The following CTNND2 variants were observed in gnomAD, a reference collection of about 807,000 sequenced individuals.
CTNND2 encodes catenin delta-2.
CTNND2 carries 22 observed loss-of-function variants against 144.4 expected under a neutral mutation model. That is an observed-to-expected ratio of 0.15 (90% CI 0.11 to 0.22). The LOEUF (loss-of-function observed/expected upper bound fraction) is 0.22, where lower values mean the gene tolerates loss of function less well. CTNND2 is among the 10% of genes least tolerant of loss of function. CTNND2 has a pLI of 1.00. For synonymous variants in CTNND2, 751 were observed against 695.6 expected (o/e 1.08, Z -1.25); for missense variants, 1,353 against 1,618.8 (o/e 0.84, Z 2.82).
intron 6 of CTNND2, among the ~76,000 whole-genome samples, chr5:11,392,025 T>G (rs538274434): frequency 6.6e-6 from 1 of 152,342 alleles, no homozygotes; most frequent in African/African-American, 2.4e-5. Context: ...CTGCTTTCTC[T>G]CTGCCCAATG....
intron 18 of CTNND2, among the ~76,000 whole-genome samples, chr5:10,993,165 C>A (rs1738903594): frequency 6.6e-6 from 1 of 152,156 alleles, no homozygotes; most frequent in South Asian, 2.1e-4. Context: ...TCCTTTCCAG[C>A]CCCAAATGCC....
intron 12 of CTNND2, among the ~76,000 whole-genome samples, chr5:11,136,083 T>A (rs1034529184): frequency 1.3e-5 from 2 of 152,178 alleles, no homozygotes; most frequent in African/African-American, 4.8e-5. Flanking sequence ...TCTTCCACCA[T>A]CTGAGGATGC....
chr5:11,604,750 G>A lies in CTNND2; in HGVS notation c.175-39694C>T, dbSNP rs528012296. On this transcript the variant is annotated intron_variant, in intron 2 of 21. Transcript: ENST00000304623. ...GTCCCAAGATCTCAAAAAATATTCT[G>A]TTAAAACATTTGCTTTGGTATTTTC... 3.9e-5 allele frequency among the ~76,000 whole-genome samples: 6 copies of A among 152,202 alleles called. No homozygotes were observed. In the South Asian group the frequency reaches 1.0e-3, roughly 26 times the overall value.
chr5:11,356,956 A>T (rs1311332995), intron 8 of CTNND2, among the ~76,000 whole-genome samples: 1 of 152,146 alleles, frequency 6.6e-6, no homozygotes, highest in African/African-American at 2.4e-5. Context: ...TCATCAGGGA[A>T]ATGTGAATCA....
intron 2 of CTNND2, among the ~76,000 whole-genome samples, chr5:11,689,244 C>A (rs1049955698): frequency 6.6e-6 from 1 of 152,108 alleles, no homozygotes; most frequent in African/African-American, 2.4e-5. Flanking sequence ...CTTCTGGGAT[C>A]TGGTTTCTTA....
chr5:11,632,662 T>C (rs1053830374), intron 2 of CTNND2, among the ~76,000 whole-genome samples: 1 of 152,058 alleles, frequency 6.6e-6, no homozygotes, highest in Non-Finnish European at 1.5e-5. Context: ...GCCTAGATGG[T>C]AGATTTAGGA....
At chr5:11,337,873 T>C (rs1753880981) in intron 9 of CTNND2, among the ~76,000 whole-genome samples, 1 of 152,216 alleles carries the variant, frequency 6.6e-6, no homozygotes, top group African/African-American at 2.4e-5. Context: ...TTGTAAAAAT[T>C]TCATGCTACT....
intron 16 of CTNND2, among the ~76,000 whole-genome samples, chr5:11,033,336 G>A (rs2149554510): frequency 6.6e-6 from 1 of 152,276 alleles, no homozygotes; most frequent in Non-Finnish European, 1.5e-5. Context: ...TTCTTCTGTT[G>A]TATGTGTATA....
intron 9 of CTNND2, among the ~76,000 whole-genome samples, chr5:11,297,113 C>T (rs539742407): frequency 8.6e-4 from 131 of 152,218 alleles, no homozygotes; most frequent in African/African-American, 3.0e-3. Flanking sequence ...AGAAAGTCAG[C>T]CCAGTATGTG....
chr5:11,258,077 T>C (rs1452880586), intron 9 of CTNND2, among the ~76,000 whole-genome samples: 3 of 152,176 alleles, frequency 2.0e-5, no homozygotes, highest in Non-Finnish European at 2.9e-5. Flanking sequence ...GAAAGTCAGA[T>C]CCTTTCAGCG....
chr5:11,062,717 CA>C (rs1326461145), intron 16 of CTNND2, among the ~76,000 whole-genome samples: 2 of 152,204 alleles, frequency 1.3e-5, no homozygotes, highest in South Asian at 2.1e-4. Flanking sequence ...AAAGGCTTGC[CA>C]GGGGGATACA....
chr5:11,648,313 T>C (rs1245018142), intron 2 of CTNND2, among the ~76,000 whole-genome samples: 2 of 152,160 alleles, frequency 1.3e-5, no homozygotes, highest in Non-Finnish European at 1.5e-5. Context: ...GGCTACTTGG[T>C]CCTGCCCTGT....
At chr5:11,415,206 A>G (rs1218079648) in intron 3 of CTNND2, among the ~76,000 whole-genome samples, 1 of 152,160 alleles carries the variant, frequency 6.6e-6, no homozygotes, top group Non-Finnish European at 1.5e-5. Context: ...TCCCACCAAC[A>G]GTGTGTAAGT....
chr5:11,716,500 C>A (rs1786360354), intron 2 of CTNND2, among the ~76,000 whole-genome samples: 1 of 152,160 alleles, frequency 6.6e-6, no homozygotes. Flanking sequence ...GAAATATTCA[C>A]ATCACAGCCT....
intron 2 of CTNND2, among the ~76,000 whole-genome samples, chr5:11,589,405 A>T (rs440593): frequency 0.81 from 123,116 of 151,914 alleles, 50,518 homozygotes; most frequent in Middle Eastern, 0.92. Context: ...CAAGAGGCAG[A>T]TTCAAGATTG....
At chr5:11,451,034 G>C (rs1299605643) in intron 3 of CTNND2, among the ~76,000 whole-genome samples, 1 of 151,144 alleles carries the variant, frequency 6.6e-6, no homozygotes, top group Non-Finnish European at 1.5e-5. Flanking sequence ...AACCTCTTTT[G>C]GTCTATCAAA....
intron 18 of CTNND2, among the ~76,000 whole-genome samples, chr5:11,006,130 G>T (rs1051619722): frequency 6.6e-6 from 1 of 152,182 alleles, no homozygotes; most frequent in African/African-American, 2.4e-5. Context: ...CAAGGATGTT[G>T]CAGGGAAGAC....
chr5:11,013,580 C>T (rs990020850), intron 18 of CTNND2, among the ~76,000 whole-genome samples: 1 of 152,266 alleles, frequency 6.6e-6, no homozygotes, highest in East Asian at 1.9e-4. Context: ...TTTTCCAGTA[C>T]AGCTTTTAGA....
rs1735441849 is a variant in CTNND2 at position 11,874,884 on chromosome 5, A to C, written c.37+28933T>G. 1.3e-5 allele frequency among the ~76,000 whole-genome samples: 2 copies of C among 152,190 alleles called. 1 individual carries two copies. The highest frequency in any genetic ancestry group is 4.1e-4 in the South Asian group (2 of 4,834). On this transcript the variant is annotated intron_variant, in intron 1 of 21. Transcript: ENST00000304623. ...CTATTCCCAGGTAAACACCATCATT[A>C]ATTTTCAAAGGAAAATATAACCCAG...
Sources: gnomAD v4.1 joint callset for allele counts (sites outside exome capture counted in the v4.1 genomes callset) on GRCh38, gnomAD v4.1.1 for gene constraint, MANE v1.5 for transcripts, NCBI Gene and HGNC (gene_info 2026-07-23, HGNC 2026-07-21) for gene names.